MCU: variants seen among roughly 807,000 people sequenced by gnomAD.
MCU encodes mitochondrial calcium uniporter, also known as calcium uniporter protein, mitochondrial.
A neutral mutation model predicts 45.2 loss-of-function variants in MCU; 12 were observed. That is an observed-to-expected ratio of 0.27 (90% confidence interval 0.17 to 0.43). MCU has a LOEUF of 0.43. Ranked by LOEUF, MCU falls within the 20% of genes least tolerant of loss-of-function variation. MCU has a pLI of 1.00. For missense variants in MCU, 324 were observed against 436.7 expected, an observed-to-expected ratio of 0.74 and a Z score of 2.30; for synonymous variants, 160 against 165.1, an observed-to-expected ratio of 0.97 and a Z score of 0.24.
intron 6 of MCU, 75 bp from the exon 7 acceptor site, chr10:72,884,191 C>G: frequency 1.1e-6 from 1 of 879,212 alleles, no homozygotes; most frequent in East Asian, 2.4e-5. Flanking sequence ...TGTATTGAAT[C>G]TAAGCAGCAG....
intron 6 of MCU, among the ~76,000 whole-genome samples, chr10:72,872,870 A>G (rs956398001): frequency 2.6e-5 from 4 of 151,970 alleles, no homozygotes; most frequent in African/African-American, 9.7e-5. Context: ...TGGCTATACT[A>G]ATTTACATTC....
intron 1 of MCU, among the ~76,000 whole-genome samples, chr10:72,828,462 C>T (rs1844829989): frequency 6.6e-6 from 1 of 152,100 alleles, no homozygotes; most frequent in African/African-American, 2.4e-5. Flanking sequence ...CTCTCTTTCT[C>T]TTTCTCTCTC....
intron 6 of MCU, among the ~76,000 whole-genome samples, chr10:72,874,122 C>A (rs976837601): frequency 6.6e-6 from 1 of 152,072 alleles, no homozygotes; most frequent in African/African-American, 2.4e-5. Context: ...AATTTTTTTC[C>A]TATTTCTGTG....
intron 1 of MCU, among the ~76,000 whole-genome samples, chr10:72,708,849 A>G (rs1442262928): frequency 6.6e-6 from 1 of 152,172 alleles, no homozygotes. Context: ...TTGTAAAGCT[A>G]TTATGTTAAA....
At chr10:72,810,461 CTTTTTTTTTTTT>C (rs751918414) in intron 1 of MCU, among the ~76,000 whole-genome samples, 12 of 73,408 alleles carry the variant, frequency 1.6e-4, no homozygotes, top group African/African-American at 5.2e-4. Flanking sequence ...ATTATGTTGC[CTTTTTTTTTTTT>C]TTTTTTTTTT....
intron 1 of MCU, among the ~76,000 whole-genome samples, chr10:72,713,784 A>C (rs1032588175): frequency 1.1e-4 from 17 of 152,046 alleles, no homozygotes; most frequent in Admixed American, 2.6e-4. Flanking sequence ...AAATTTTGTA[A>C]ACTTGTTTCT....
At chr10:72,693,013 C>T in intron 1 of MCU, 1 of 1,536,132 alleles carries the variant, frequency 6.5e-7, no homozygotes, top group Non-Finnish European at 8.7e-7. Context: ...TAAGCGTGTT[C>T]ACGCGTGCCT....
chr10:72,805,093 C>G (rs1047537578), intron 1 of MCU, among the ~76,000 whole-genome samples: 56 of 143,234 alleles, frequency 3.9e-4, no homozygotes, highest in African/African-American at 1.5e-3. Flanking sequence ...TTCTTTCTTT[C>G]TTTCTTTCTC....
intron 2 of MCU, among the ~76,000 whole-genome samples, chr10:72,841,590 G>A (rs923026143): frequency 6.6e-6 from 1 of 152,090 alleles, no homozygotes; most frequent in African/African-American, 2.4e-5. Flanking sequence ...GAACCACCGC[G>A]CCTGACCCCA....
intron 1 of MCU, among the ~76,000 whole-genome samples, chr10:72,726,255 A>ATG (rs1564539625): frequency 6.6e-5 from 4 of 60,292 alleles, no homozygotes; most frequent in African/African-American, 3.0e-4. Context: ...ACACACACAC[A>ATG]CGTGTGTGTG....
At chr10:72,777,845 T>A (rs1191063612) in intron 1 of MCU, among the ~76,000 whole-genome samples, 1 of 152,086 alleles carries the variant, frequency 6.6e-6, no homozygotes, top group Non-Finnish European at 1.5e-5. Flanking sequence ...AATAGCAGAA[T>A]AACAAATAAT....
At chr10:72,778,405 T>C (rs1173695304) in intron 1 of MCU, among the ~76,000 whole-genome samples, 2 of 152,172 alleles carry the variant, frequency 1.3e-5, no homozygotes, top group Non-Finnish European at 2.9e-5. Flanking sequence ...CCCATAATGT[T>C]AAGTGAAATA....
intron 1 of MCU, among the ~76,000 whole-genome samples, chr10:72,795,703 A>C (rs1341169955): frequency 6.6e-6 from 1 of 152,146 alleles, no homozygotes; most frequent in Non-Finnish European, 1.5e-5. Context: ...AGTGTAGTTA[A>C]AAATGCCACT....
intron 1 of MCU, among the ~76,000 whole-genome samples, chr10:72,813,459 T>C (rs1373920643): frequency 2.2e-5 from 3 of 134,752 alleles, no homozygotes; most frequent in Admixed American, 7.4e-5. Flanking sequence ...TCTTTTTTTT[T>C]TTTTTTTTTT....
chr10:72,865,297 G>A (rs1845436119), intron 4 of MCU, among the ~76,000 whole-genome samples: 1 of 151,986 alleles, frequency 6.6e-6, no homozygotes, highest in African/African-American at 2.4e-5. Flanking sequence ...AGTAAATTAG[G>A]GTATAAAGCT....
At chr10:72,816,433 G>A (rs1328335327) in intron 1 of MCU, among the ~76,000 whole-genome samples, 8 of 152,160 alleles carry the variant, frequency 5.3e-5, no homozygotes, top group Non-Finnish European at 1.2e-4. Context: ...ATTGAAAGCT[G>A]TTCCTTTACA....
rs542126115 is a variant in MCU, at chr10:72,743,971, A to G, written c.150+51670A>G. On this transcript the variant is annotated intron_variant, in intron 1 of 7. Transcript: ENST00000373053. ...TCCAGCCATTTGTGTTTTGTAGGTTATGCTGTAGCTCATCATTTTCATGTC... is the reference window on the plus strand; with the variant it reads ...TCCAGCCATTTGTGTTTTGTAGGTTGTGCTGTAGCTCATCATTTTCATGTC... Among the ~76,000 whole-genome samples, 4 of 152,080 alleles carry G rather than the reference A, an allele frequency of 2.6e-5. No individual in the cohort carries two copies. In the South Asian group the frequency reaches 8.3e-4, roughly 32 times the overall value.
intron 1 of MCU, among the ~76,000 whole-genome samples, chr10:72,801,595 T>C (rs1179889870): frequency 6.6e-6 from 1 of 151,840 alleles, no homozygotes; most frequent in Admixed American, 6.6e-5. Flanking sequence ...CAGTTTGTTT[T>C]CTTTAAAATT....
At chr10:72,787,792 C>T (rs182395652) in intron 1 of MCU, among the ~76,000 whole-genome samples, 134 of 151,928 alleles carry the variant, frequency 8.8e-4, no homozygotes, top group Non-Finnish European at 1.7e-3. Flanking sequence ...GATCTCAGCT[C>T]GCTGCAACCT....
Sources: allele counts gnomAD v4.1 joint callset (sites outside exome capture counted in the v4.1 genomes callset), GRCh38; gene constraint gnomAD v4.1.1; transcripts MANE v1.5; gene names NCBI Gene and HGNC (gene_info 2026-07-23, HGNC 2026-07-21).